COLEC10: variants seen among roughly 807,000 people sequenced by gnomAD.
The protein encoded by COLEC10 is collectin subfamily member 10.
In COLEC10, 22 loss-of-function variants were observed where a neutral mutation model predicts 28.4. That is an observed-to-expected ratio of 0.78 (90% CI 0.55 to 1.11). The LOEUF (loss-of-function observed/expected upper bound fraction) is 1.11, where lower values mean the gene tolerates loss of function less well. COLEC10 is among the 50% of genes least tolerant of loss of function. COLEC10 has a pLI of 0.00. For missense variants in COLEC10, 361 were observed against 344.1 expected, an observed-to-expected ratio of 1.05 and a Z score of -0.39; for synonymous variants, 125 against 116.1, an observed-to-expected ratio of 1.08 and a Z score of -0.49.
chr8:119,036,119 A>T (rs1012719382), intron 2 of COLEC10, among the ~76,000 whole-genome samples: 16 of 152,352 alleles, frequency 1.1e-4, no homozygotes, highest in African/African-American at 3.8e-4. Flanking sequence ...ACAGAGTGTT[A>T]AAAGAATGAG....
intron 3 of COLEC10, among the ~76,000 whole-genome samples, chr8:119,101,024 C>T (rs1019091996): frequency 6.6e-6 from 1 of 152,160 alleles, no homozygotes; most frequent in African/African-American, 2.4e-5. Context: ...ACACATCAGA[C>T]AATGATGAGA....
chr8:119,003,164 G>A (rs965519996), intron 1 of COLEC10, among the ~76,000 whole-genome samples: 1 of 152,084 alleles, frequency 6.6e-6, no homozygotes, highest in African/African-American at 2.4e-5. Flanking sequence ...TAACAGACAT[G>A]TATAAGTCTT....
chr8:118,987,257 A>C, the COLEC10 span, among the ~76,000 whole-genome samples: 1 of 152,160 alleles, frequency 6.6e-6, no homozygotes, highest in African/African-American at 2.4e-5. Context: ...ACAACTTACA[A>C]AGGAGCAAGA....
At chr8:119,058,950 G>A (rs1814807840) in intron 2 of COLEC10, among the ~76,000 whole-genome samples, 2 of 151,870 alleles carry the variant, frequency 1.3e-5, no homozygotes, top group Non-Finnish European at 2.9e-5. Context: ...TTATTATTAT[G>A]GCCAGTCTTA....
chr8:119,041,928 A>G (rs1814502473), intron 2 of COLEC10, among the ~76,000 whole-genome samples: 1 of 152,172 alleles, frequency 6.6e-6, no homozygotes, highest in Non-Finnish European at 1.5e-5. Context: ...GGATTGTCAC[A>G]GATTCAGACT....
the COLEC10 span, among the ~76,000 whole-genome samples, chr8:118,977,701 G>GTAAC: frequency 0.046 from 6,611 of 145,142 alleles, 308 homozygotes; most frequent in African/African-American, 0.11. Flanking sequence ...GTATACATAT[G>GTAAC]TAACCTGCAC....
At chr8:119,105,136 C>T (rs935964894) in intron 5 of COLEC10, among the ~76,000 whole-genome samples, 1 of 152,158 alleles carries the variant, frequency 6.6e-6, no homozygotes, top group Admixed American at 6.6e-5. Flanking sequence ...TTTCAATAAG[C>T]ATTTACCATT....
chr8:118,952,369 G>C, the COLEC10 span, among the ~76,000 whole-genome samples: 1 of 152,166 alleles, frequency 6.6e-6, no homozygotes, highest in African/African-American at 2.4e-5. Context: ...CCTCTCGCTG[G>C]GCGAAAGCTG....
chr8:119,054,158 G>A (rs144925701), intron 2 of COLEC10, among the ~76,000 whole-genome samples: 104 of 152,180 alleles, frequency 6.8e-4, no homozygotes, highest in African/African-American at 2.4e-3. Flanking sequence ...ACAAAGGAGG[G>A]ATTCATGTCC....
At chr8:119,044,197 A>G (rs1814549546) in intron 2 of COLEC10, among the ~76,000 whole-genome samples, 1 of 152,230 alleles carries the variant, frequency 6.6e-6, no homozygotes, top group African/African-American at 2.4e-5. Context: ...AGGTTTATAT[A>G]TGGTCACCCT....
upstream of COLEC10, among the ~76,000 whole-genome samples, chr8:118,994,640 C>T (rs557888455): frequency 1.3e-5 from 2 of 152,166 alleles, no homozygotes; most frequent in Admixed American, 6.5e-5. Flanking sequence ...AACTGGGATT[C>T]GAGTCTTTGT....
chr8:119,104,287 A>G (rs1815896074), intron 5 of COLEC10, among the ~76,000 whole-genome samples: 1 of 152,190 alleles, frequency 6.6e-6, no homozygotes, highest in South Asian at 2.1e-4. Flanking sequence ...CACAACTACT[A>G]GCATTATCTC....
At chr8:118,968,616 T>A in the COLEC10 span, among the ~76,000 whole-genome samples, 3 of 151,904 alleles carry the variant, frequency 2.0e-5, no homozygotes, top group African/African-American at 7.3e-5. Context: ...TGTATGTATA[T>A]GTATATGTAT....
chr8:119,008,947 T>C (rs1295717919), intron 1 of COLEC10, among the ~76,000 whole-genome samples: 1 of 151,060 alleles, frequency 6.6e-6, no homozygotes, highest in Non-Finnish European at 1.5e-5. Context: ...TCTTCCTTTT[T>C]TTCCTGAGCA....
chr8:119,090,090 A>C (rs1563740716), intron 2 of COLEC10, among the ~76,000 whole-genome samples: 1 of 151,316 alleles, frequency 6.6e-6, no homozygotes, highest in Non-Finnish European at 1.5e-5. Context: ...GCTAAGCAGC[A>C]TTTTTTTTTT....
At chr8:119,091,978 A>G (rs1261708686) in intron 3 of COLEC10, among the ~76,000 whole-genome samples, 1 of 152,172 alleles carries the variant, frequency 6.6e-6, no homozygotes, top group Non-Finnish European at 1.5e-5. Context: ...TGAGTGGATT[A>G]ACCAAAAATT....
intron 1 of COLEC10, chr8:119,067,634 G>A: frequency 2.0e-6 from 1 of 496,550 alleles, no homozygotes; most frequent in Non-Finnish European, 3.5e-6. Context: ...AGAGGATGTT[G>A]GGAAGGGGAA....
the COLEC10 span, among the ~76,000 whole-genome samples, chr8:118,964,183 C>A: frequency 6.6e-6 from 1 of 152,196 alleles, no homozygotes; most frequent in Non-Finnish European, 1.5e-5. Context: ...TTGCCTGGCA[C>A]ACCTAATAGC....
chr8:119,070,486 TCCTTCCCTCCCTCTCTCTCTCTC>T (rs1815090489), intron 1 of COLEC10, among the ~76,000 whole-genome samples: 1 of 46,158 alleles, frequency 2.2e-5, no homozygotes, highest in East Asian at 6.7e-4. Flanking sequence ...TCCTTCCCCC[TCCTTCCCTCCCTCTCTCTCTCTC>T]CCCCCTCCTT....
Sources: gnomAD v4.1 joint callset for allele counts (sites outside exome capture counted in the v4.1 genomes callset) on GRCh38, gnomAD v4.1.1 for gene constraint, MANE v1.5 for transcripts, NCBI Gene and HGNC (gene_info 2026-07-23, HGNC 2026-07-21) for gene names.